Variants in ZNF521 observed in about 807,000 individuals in gnomAD.
The protein encoded by ZNF521 is LYST-interacting protein 3.
Under a neutral mutation model 105.5 loss-of-function variants are expected in ZNF521, and 14 were observed. The ratio of observed to expected loss-of-function variants is 0.13; its 90% CI spans 0.09 to 0.21. ZNF521 has a LOEUF of 0.21. Among genes scored for constraint, ZNF521 ranks in the 10% least tolerant of loss-of-function variants. The pLI, the probability that ZNF521 is intolerant of heterozygous loss-of-function variation, is 1.00. For missense variants in ZNF521, 1,233 were observed against 1,629.7 expected (o/e 0.76, Z 4.19); for synonymous variants, 635 against 606.0 (o/e 1.05, Z -0.70).
chr18:25,256,574 T>C (rs1908519807), intron 3 of ZNF521, among the ~76,000 whole-genome samples: 1 of 152,184 alleles, frequency 6.6e-6, no homozygotes, highest in Non-Finnish European at 1.5e-5. Flanking sequence ...GATGGGTTTG[T>C]GACAGAAGTA....
intron 3 of ZNF521, among the ~76,000 whole-genome samples, chr18:25,232,533 A>C (rs1452459385): frequency 4.6e-5 from 7 of 152,218 alleles, no homozygotes; most frequent in African/African-American, 1.2e-4. Flanking sequence ...TTAAGCTTTC[A>C]CAGTTGTATA....
At chr18:25,072,577 T>C (rs1371238921) in intron 7 of ZNF521, among the ~76,000 whole-genome samples, 1 of 152,084 alleles carries the variant, frequency 6.6e-6, no homozygotes, top group Non-Finnish European at 1.5e-5. Context: ...AAGAGCAAAA[T>C]GGCCACTGGG....
chr18:25,118,632 A>C (rs2144337189), intron 5 of ZNF521, among the ~76,000 whole-genome samples: 1 of 152,126 alleles, frequency 6.6e-6, no homozygotes, highest in South Asian at 2.1e-4. Flanking sequence ...TAAAATAATA[A>C]GGCAAAGGGA....
intron 5 of ZNF521, among the ~76,000 whole-genome samples, chr18:25,094,041 C>T (rs1286503529): frequency 4.6e-5 from 7 of 152,170 alleles, no homozygotes; most frequent in Non-Finnish European, 1.0e-4. Context: ...GTTTTCATCT[C>T]CTTTTAAAAT....
chr18:25,335,746 C>T (rs140849098), intron 2 of ZNF521, among the ~76,000 whole-genome samples: 7 of 152,140 alleles, frequency 4.6e-5, no homozygotes, highest in African/African-American at 1.7e-4. Context: ...TAGACTTTGT[C>T]GGTATAGAAA....
intron 2 of ZNF521, among the ~76,000 whole-genome samples, chr18:25,322,550 AAAACCC>A (rs955134766): frequency 2.7e-5 from 4 of 150,286 alleles, no homozygotes; most frequent in African/African-American, 9.7e-5. Flanking sequence ...AAAAAAAAAA[AAAACCC>A]CCCCACTGTG....
chr18:25,146,992 G>A (rs751164087), intron 5 of ZNF521, among the ~76,000 whole-genome samples: 2 of 152,072 alleles, frequency 1.3e-5, no homozygotes, highest in Non-Finnish European at 2.9e-5. Context: ...GATTACATAG[G>A]CATCAGATAT....
chr18:25,232,096 T>G (rs1424712743), intron 3 of ZNF521, among the ~76,000 whole-genome samples: 1 of 152,202 alleles, frequency 6.6e-6, no homozygotes, highest in Non-Finnish European at 1.5e-5. Context: ...AGGATTTACA[T>G]CAATGGTTAC....
intron 5 of ZNF521, among the ~76,000 whole-genome samples, chr18:25,151,261 T>A (rs2035043002): frequency 6.6e-6 from 1 of 152,212 alleles, no homozygotes; most frequent in Non-Finnish European, 1.5e-5. Flanking sequence ...CTGATTCATA[T>A]CCTTCTTCCT....
chr18:25,180,524 A>C lies in ZNF521; in HGVS notation c.3658+14636T>G, dbSNP rs556246173. Among the ~76,000 whole-genome samples the C allele has an allele frequency of 3.7e-3, 561 of 151,094 alleles. 4 individuals carry two copies. The highest frequency in any genetic ancestry group is 0.012 in the African/African-American group (476 of 41,078). On this transcript the variant is annotated intron_variant, in intron 5 of 7. Coordinates refer to ENST00000361524, the MANE Select transcript of ZNF521 (RefSeq NM_015461.3). ...TTTTTATCTCTTGCAAAAAAAAAAA[A>C]CCCCACATTTATTTCCAATGCCTCA...
intron 5 of ZNF521, among the ~76,000 whole-genome samples, chr18:25,190,234 A>T (rs535085449): frequency 6.6e-6 from 1 of 152,166 alleles, no homozygotes; most frequent in East Asian, 1.9e-4. Flanking sequence ...TGAATTTTGT[A>T]AGCAATCAAA....
At chr18:25,325,621 C>G (rs1461342849) in intron 2 of ZNF521, among the ~76,000 whole-genome samples, 1 of 152,170 alleles carries the variant, frequency 6.6e-6, no homozygotes, top group Non-Finnish European at 1.5e-5. Flanking sequence ...ACCACTCTCT[C>G]TCCCCCTACC....
chr18:25,279,927 C>T (rs889899022), intron 3 of ZNF521, among the ~76,000 whole-genome samples: 1 of 152,154 alleles, frequency 6.6e-6, no homozygotes, highest in Admixed American at 6.5e-5. Flanking sequence ...AAATTATAGG[C>T]TTTTATGGTC....
chr18:25,141,810 A>T (rs1489509096), intron 5 of ZNF521, among the ~76,000 whole-genome samples: 3 of 152,138 alleles, frequency 2.0e-5, no homozygotes, highest in African/African-American at 7.2e-5. Flanking sequence ...TATAAACAAA[A>T]TAAGCCCCAG....
intron 7 of ZNF521, among the ~76,000 whole-genome samples, chr18:25,085,578 T>A (rs2144189144): frequency 6.6e-6 from 1 of 152,070 alleles, no homozygotes; most frequent in South Asian, 2.1e-4. Context: ...TATATATATG[T>A]GTACATACAT....
chr18:25,219,783 C>CTCCA (rs1491517153), intron 4 of ZNF521, among the ~76,000 whole-genome samples: 1 of 152,088 alleles, frequency 6.6e-6, no homozygotes, highest in Non-Finnish European at 1.5e-5. Flanking sequence ...GACCACTGTA[C>CTCCA]TCCAGCCTGA....
At chr18:25,206,252 C>A (rs1025181442) in intron 4 of ZNF521, among the ~76,000 whole-genome samples, 2 of 152,226 alleles carry the variant, frequency 1.3e-5, no homozygotes, top group African/African-American at 4.8e-5. Context: ...AAGTGATCCG[C>A]CCACTTTGGC....
intron 3 of ZNF521, among the ~76,000 whole-genome samples, chr18:25,253,002 A>T (rs948436637): frequency 6.6e-6 from 1 of 152,200 alleles, no homozygotes; most frequent in African/African-American, 2.4e-5. Context: ...TTCACGCAGT[A>T]GTTACTACCA....
At chr18:25,247,713 G>A (rs1907828429) in intron 3 of ZNF521, among the ~76,000 whole-genome samples, 1 of 152,176 alleles carries the variant, frequency 6.6e-6, no homozygotes, top group Non-Finnish European at 1.5e-5. Context: ...GCTGTTGAAG[G>A]ATTTCAATCA....
Sources: gnomAD v4.1 joint callset for allele counts (sites outside exome capture counted in the v4.1 genomes callset) on GRCh38, gnomAD v4.1.1 for gene constraint, MANE v1.5 for transcripts, NCBI Gene and HGNC (gene_info 2026-07-23, HGNC 2026-07-21) for gene names.